Variants in LTBP1 observed in about 807,000 individuals in gnomAD.
LTBP1 encodes the protein latent-transforming growth factor beta-binding protein 1.
Under a neutral mutation model 207.6 loss-of-function variants are expected in LTBP1, and 129 were observed. That is an observed-to-expected ratio of 0.62 (90% CI 0.54 to 0.72). LTBP1 has a LOEUF of 0.72. LTBP1 is among the 30% of genes least tolerant of loss of function. The probability of loss-of-function intolerance (pLI) is 0.00; values close to 1 mark genes in which losing one functional copy is unlikely to be tolerated. For synonymous variants in LTBP1, 963 were observed against 833.7 expected, an observed-to-expected ratio of 1.16 and a Z score of -2.67; for missense variants, 2,281 against 2,217.2, an observed-to-expected ratio of 1.03 and a Z score of -0.58.
At position 33,071,197 on chromosome 2, in the gene LTBP1, C is replaced by T. The variant is rs548301723; in HGVS notation, c.864-39385C>T. Among the ~76,000 whole-genome samples the T allele has an allele frequency of 2.0e-5, 3 of 152,298 alleles. No homozygotes were observed. In the South Asian group the frequency reaches 6.2e-4, roughly 32 times the overall value. ...CGTTCAGGCCACTTCCAAGCTTACTCACGTGGCTTTGGGTAGGTCTTGGTT... is the reference window on the plus strand; with the variant it reads ...CGTTCAGGCCACTTCCAAGCTTACTTACGTGGCTTTGGGTAGGTCTTGGTT... On this transcript the variant is annotated intron_variant, in intron 3 of 33. Coordinates refer to ENST00000404816, the MANE Select transcript of LTBP1 (RefSeq NM_206943.4).
chr2:33,061,913 T>C (rs72793713), intron 3 of LTBP1, among the ~76,000 whole-genome samples: 30 of 152,158 alleles, frequency 2.0e-4, no homozygotes, highest in African/African-American at 6.8e-4. Context: ...TATCATTTTA[T>C]CTTTCTATTA....
At chr2:33,033,621 T>G (rs1165761334) in intron 3 of LTBP1, among the ~76,000 whole-genome samples, 1 of 151,878 alleles carries the variant, frequency 6.6e-6, no homozygotes, top group Non-Finnish European at 1.5e-5. Flanking sequence ...GGACTTTTTT[T>G]TTTTTTTAAT....
chr2:33,215,574 C>T (rs1258988664), intron 7 of LTBP1, among the ~76,000 whole-genome samples: 6 of 152,140 alleles, frequency 3.9e-5, no homozygotes, highest in East Asian at 1.9e-4. Context: ...AGAAAAGAAA[C>T]GCTGCCCCTG....
At chr2:32,956,275 T>C (rs1440296988) in intron 2 of LTBP1, among the ~76,000 whole-genome samples, 1 of 152,252 alleles carries the variant, frequency 6.6e-6, no homozygotes, top group African/African-American at 2.4e-5. Flanking sequence ...CATACAGTGC[T>C]GTTTGATAGC....
chr2:32,995,439 G>A (rs1046805321), intron 2 of LTBP1, among the ~76,000 whole-genome samples: 5 of 152,126 alleles, frequency 3.3e-5, no homozygotes, highest in African/African-American at 1.2e-4. Flanking sequence ...GCTAATCATT[G>A]TGGTTGTGTC....
chr2:32,976,637 G>C (rs373926612), intron 2 of LTBP1, among the ~76,000 whole-genome samples: 18 of 152,310 alleles, frequency 1.2e-4, no homozygotes, highest in African/African-American at 4.1e-4. Context: ...CCTTGGAGGA[G>C]GCCCCTCCAA....
intron 10 of LTBP1, 53 bp from the exon 11 acceptor site, chr2:33,252,624 C>A (rs2092714755): frequency 1.3e-6 from 2 of 1,506,502 alleles, no homozygotes; most frequent in Non-Finnish European, 1.8e-6. Context: ...ATTTGGAAAG[C>A]CAATGTAGTT....
chr2:33,147,118 C>T (rs2083118893), intron 5 of LTBP1, among the ~76,000 whole-genome samples: 1 of 152,184 alleles, frequency 6.6e-6, no homozygotes, highest in South Asian at 2.1e-4. Flanking sequence ...ATTCTCAGTA[C>T]TGGTAATATT....
At chr2:32,982,080 G>T (rs1316491679) in intron 2 of LTBP1, among the ~76,000 whole-genome samples, 1 of 152,208 alleles carries the variant, frequency 6.6e-6, no homozygotes, top group Non-Finnish European at 1.5e-5. Context: ...ACAGGAAAAT[G>T]TGGGAAAGTT....
chr2:33,076,826 C>T (rs111570310), intron 3 of LTBP1, among the ~76,000 whole-genome samples: 14,849 of 53,886 alleles, frequency 0.28, 963 homozygotes, highest in Non-Finnish European at 0.52. Flanking sequence ...TGAGCCACCG[C>T]GCCCAGACCC....
rs138299231 is a variant in LTBP1, at chr2:33,252,696, G to C, written c.2019G>C (p.Ser673=). The change falls in exon 11 of 34, where the codon TCG becomes TCC. Residue 673 remains serine, a synonymous_variant. Transcript: ENST00000404816. The part of the protein sequence containing the change: ...SSCVPDPPVI[S]EEKGPCYRLV... The stretch of plus-strand genomic sequence containing the variant: ...CTTCAGCTGATCCCCCTGTGATCTC[G>C]GAAGAGAAAGGGCCCTGTTACCGAC... The C allele has an allele frequency of 7.6e-4, 1,229 of 1,612,218 alleles. No individual in the cohort carries two copies. The highest frequency in any genetic ancestry group is 9.3e-4 in the Non-Finnish European group (1,091 of 1,178,680).
intron 2 of LTBP1, among the ~76,000 whole-genome samples, chr2:32,969,401 G>C (rs766773576): frequency 1.5e-4 from 23 of 152,102 alleles, no homozygotes; most frequent in Admixed American, 3.9e-4. Flanking sequence ...GTACCTAATA[G>C]GTAGTTTTTT....
intron 9 of LTBP1, among the ~76,000 whole-genome samples, chr2:33,235,536 A>C (rs1444348037): frequency 6.6e-6 from 1 of 152,256 alleles, no homozygotes; most frequent in Non-Finnish European, 1.5e-5. Flanking sequence ...CATTTGACCC[A>C]GCAATCCCAT....
At chr2:33,253,205 A>G (rs571547826) in intron 11 of LTBP1, among the ~76,000 whole-genome samples, 9 of 152,180 alleles carry the variant, frequency 5.9e-5, no homozygotes, top group Non-Finnish European at 8.8e-5. Context: ...AATTCACAGT[A>G]ACTAGACTTT....
intron 3 of LTBP1, among the ~76,000 whole-genome samples, chr2:33,027,870 T>G (rs545759891): frequency 1.3e-5 from 2 of 152,230 alleles, no homozygotes; most frequent in African/African-American, 4.8e-5. Flanking sequence ...AATAAGACCT[T>G]TTTGAAATAA....
intron 24 of LTBP1, among the ~76,000 whole-genome samples, chr2:33,339,634 A>C (rs763508468): frequency 4.5e-4 from 69 of 151,864 alleles, no homozygotes; most frequent in Non-Finnish European, 7.8e-4. Flanking sequence ...GACTGGAAAT[A>C]ATTTCATTGA....
chr2:33,135,537 G>A lies in LTBP1; in HGVS notation c.1201+577G>A, dbSNP rs533626407. Among the ~76,000 whole-genome samples, 10 of 149,032 alleles carry A rather than the reference G, an allele frequency of 6.7e-5. No individual in the cohort carries two copies. The South Asian group carries it at 1.5e-3, about 23-fold the overall frequency. On this transcript the variant is annotated intron_variant, in intron 5 of 33. Coordinates refer to ENST00000404816, the MANE Select transcript of LTBP1 (RefSeq NM_206943.4). Reference sequence around the variant, plus strand: ...TGATATATAACGTGGATTTGGGGAAGACAGACTGGTAGATTACTCTCAGTA... The same window carrying A: ...TGATATATAACGTGGATTTGGGGAAAACAGACTGGTAGATTACTCTCAGTA...
intron 32 of LTBP1, among the ~76,000 whole-genome samples, chr2:33,396,036 C>T (rs1050035450): frequency 1.3e-5 from 2 of 151,734 alleles, no homozygotes; most frequent in Admixed American, 1.3e-4. Flanking sequence ...GAGAGCTAAA[C>T]ACTCTTGATG....
chr2:33,116,981 C>A (rs1016239447), intron 4 of LTBP1, among the ~76,000 whole-genome samples: 1 of 152,202 alleles, frequency 6.6e-6, no homozygotes, highest in Admixed American at 6.5e-5. Flanking sequence ...GCCCTGAGTT[C>A]TGGTCTGTGC....
Sources: gnomAD v4.1 joint callset for allele counts (sites outside exome capture counted in the v4.1 genomes callset) on GRCh38, gnomAD v4.1.1 for gene constraint, MANE v1.5 for transcripts, NCBI Gene and HGNC (gene_info 2026-07-23, HGNC 2026-07-21) for gene names.